FAAH2: variants seen among roughly 807,000 people sequenced by gnomAD.
The protein encoded by FAAH2 is fatty-acid amide hydrolase 2.
FAAH2 carries 60 observed loss-of-function variants against 36.9 expected under a neutral mutation model. That is an observed-to-expected ratio of 1.63 (90% confidence interval 1.32 to 2.02). FAAH2 has a LOEUF of 2.02. FAAH2 is among the 30% of genes most tolerant of loss of function. The probability of loss-of-function intolerance (pLI) is 0.00; values close to 1 mark genes in which losing one functional copy is unlikely to be tolerated. For missense variants in FAAH2, 689 were observed against 397.5 expected (o/e 1.73, Z -6.23); for synonymous variants, 214 against 143.8 (o/e 1.49, Z -3.49).
chrX:57,310,624 G>C lies in FAAH2; in HGVS notation c.307G>C (p.Val103Leu). The C allele has an allele frequency of 3.3e-6, 4 of 1,209,113 alleles. No individual in the cohort carries two copies. Among genetic ancestry groups the C allele is most frequent in the Non-Finnish European group, 4.5e-6 (4 of 894,329 alleles). The change falls in exon 3 of 11, where the codon GTA becomes CTA. Residue 103 changes from valine to leucine, a missense_variant. Val to Leu is a conservative substitution (Grantham distance 32, BLOSUM62 1). Transcript: ENST00000374900. ...GGAAGCGATGAAGGAGGCTCATGCT[G>C]TAGATCAAAAGCTTGCAGAGAAGCA... ...FEEAMKEAHA[V>L]DQKLAEKQED...
the FAAH2 span, among the ~76,000 whole-genome samples, chrX:57,233,545 G>A: frequency 1.8e-5 from 2 of 112,019 alleles, no homozygotes; most frequent in Admixed American, 1.9e-4. Flanking sequence ...TTTAGAACAA[G>A]GTGAGGGGGG....
chrX:57,214,590 C>A, the FAAH2 span, among the ~76,000 whole-genome samples: 3 of 110,905 alleles, frequency 2.7e-5, no homozygotes, highest in Non-Finnish European at 5.7e-5. Context: ...TGATGCCTGG[C>A]TAATTTTTTT....
intron 7 of FAAH2, chrX:57,392,960 A>G (rs1259264237): frequency 2.7e-5 from 25 of 918,126 alleles, no homozygotes; most frequent in Non-Finnish European, 3.7e-5. Context: ...TCTTCTGTGC[A>G]ATGATCCTGA....
intron 7 of FAAH2, among the ~76,000 whole-genome samples, chrX:57,390,374 A>G (rs1275428520): frequency 3.6e-5 from 4 of 111,045 alleles, no homozygotes; most frequent in African/African-American, 9.8e-5. Context: ...GTACTTGTGC[A>G]TGTTGTTAAA....
At chrX:57,441,681 G>C (rs1324544440) in intron 8 of FAAH2, among the ~76,000 whole-genome samples, 3 of 110,043 alleles carry the variant, frequency 2.7e-5, no homozygotes, top group African/African-American at 9.9e-5. Context: ...TGCTTCTCTA[G>C]TTCTTTTAAT....
chrX:57,394,390 C>G, intron 7 of FAAH2: 2 of 1,196,624 alleles, frequency 1.7e-6, no homozygotes, highest in Non-Finnish European at 2.3e-6. Flanking sequence ...GAACTTTGGC[C>G]TTTGTTTCAC....
At chrX:57,487,425 C>T (rs941364994) in intron 10 of FAAH2, among the ~76,000 whole-genome samples, 1 of 111,693 alleles carries the variant, frequency 9.0e-6, no homozygotes, top group African/African-American at 3.2e-5. Context: ...ACTCTTACAA[C>T]TCAATAATAA....
At chrX:57,314,387 C>T (rs145139750) in intron 3 of FAAH2, among the ~76,000 whole-genome samples, 93 of 111,141 alleles carry the variant, frequency 8.4e-4, no homozygotes, top group Admixed American at 4.5e-3. Context: ...TGAGCAATTG[C>T]GCTTAATAGA....
intron 5 of FAAH2, 113 bp downstream of exon 5, chrX:57,341,503 A>C: frequency 4.6e-6 from 4 of 877,574 alleles, no homozygotes; most frequent in Non-Finnish European, 6.1e-6. Context: ...TATATTTCTC[A>C]ATGTTCTTAA....
At chrX:57,466,583 C>T (rs767305313) in intron 10 of FAAH2, among the ~76,000 whole-genome samples, 38 of 110,465 alleles carry the variant, frequency 3.4e-4, no homozygotes, top group African/African-American at 9.9e-4. Flanking sequence ...TCCAATCAAA[C>T]GGCAAACATG....
chrX:57,192,089 C>T, the FAAH2 span, among the ~76,000 whole-genome samples: 125 of 111,314 alleles, frequency 1.1e-3, no homozygotes, highest in Non-Finnish European at 1.8e-3. Context: ...CAATATTGGC[C>T]CTTCAAATCC....
intron 8 of FAAH2, among the ~76,000 whole-genome samples, chrX:57,435,702 A>G (rs987356156): frequency 9.0e-6 from 1 of 111,355 alleles, no homozygotes; most frequent in African/African-American, 3.3e-5. Context: ...TAAAACAAAT[A>G]TTACTACATC....
chrX:57,372,921 A>T (rs2054587807), intron 5 of FAAH2, among the ~76,000 whole-genome samples: 1 of 110,175 alleles, frequency 9.1e-6, no homozygotes, highest in African/African-American at 3.3e-5. Flanking sequence ...TATCATTCTT[A>T]TGCCTTTACA....
chrX:57,289,980 T>G (rs2051928889), intron 1 of FAAH2, among the ~76,000 whole-genome samples: 1 of 111,248 alleles, frequency 9.0e-6, no homozygotes, highest in Non-Finnish European at 1.9e-5. Flanking sequence ...CAAGGTTCAT[T>G]TGGAATAAGC....
At chrX:57,330,657 G>C (rs1048953084) in intron 3 of FAAH2, among the ~76,000 whole-genome samples, 11 of 111,189 alleles carry the variant, frequency 9.9e-5, no homozygotes, top group Admixed American at 1.9e-4. Context: ...GCGGCTTGTG[G>C]GGCATCACGG....
the FAAH2 span, among the ~76,000 whole-genome samples, chrX:57,237,844 T>A: frequency 9.0e-6 from 1 of 110,639 alleles, no homozygotes; most frequent in Non-Finnish European, 1.9e-5. Flanking sequence ...GCAAATGACA[T>A]GAACAGACAC....
At chrX:57,160,239 C>T in the FAAH2 span, among the ~76,000 whole-genome samples, 1 of 111,659 alleles carries the variant, frequency 9.0e-6, no homozygotes, top group Non-Finnish European at 1.9e-5. Flanking sequence ...CTTCGGTTTG[C>T]CAGTATTTTA....
chrX:57,137,199 C>T, the FAAH2 span: 72 of 758,787 alleles, frequency 9.5e-5, no homozygotes, highest in Non-Finnish European at 1.1e-4. Context: ...CCACTAATGG[C>T]CTTGCCCTGC....
At chrX:57,305,207 C>T (rs1052774275) in intron 2 of FAAH2, among the ~76,000 whole-genome samples, 1 of 110,535 alleles carries the variant, frequency 9.0e-6, no homozygotes, top group Non-Finnish European at 1.9e-5. Context: ...CCTCTGAGCT[C>T]AATTCCCATA....
Sources: gnomAD v4.1 joint callset for allele counts (sites outside exome capture counted in the v4.1 genomes callset) on GRCh38, gnomAD v4.1.1 for gene constraint, MANE v1.5 for transcripts, NCBI Gene and HGNC (gene_info 2026-07-23, HGNC 2026-07-21) for gene names.